The following ASCC3 variants were observed in gnomAD, a reference collection of about 807,000 sequenced individuals.
ASCC3 encodes activating signal cointegrator 1 complex subunit 3.
ASCC3 carries 158 observed loss-of-function variants against 256.3 expected under a neutral mutation model. The observed-to-expected ratio is 0.62, with a 90% CI of 0.54 to 0.70. The LOEUF is 0.70. Ranked by LOEUF, ASCC3 falls within the 30% of genes least tolerant of loss-of-function variation. The pLI is 0.00. For synonymous variants in ASCC3, 948 were observed against 883.4 expected, an observed-to-expected ratio of 1.07 and a Z score of -1.30; for missense variants, 2,259 against 2,626.0, an observed-to-expected ratio of 0.86 and a Z score of 3.05.
intron 13 of ASCC3, among the ~76,000 whole-genome samples, chr6:100,710,247 T>G (rs1482301540): frequency 6.6e-6 from 1 of 152,164 alleles, no homozygotes; most frequent in Non-Finnish European, 1.5e-5. Flanking sequence ...AGCTCATGGA[T>G]GGAAAAATAT....
chr6:100,800,323 A>G lies in ASCC3; in HGVS notation c.1104T>C (p.Asp368=), dbSNP rs754304582. 6.2e-7 allele frequency: 1 copy of G among 1,612,936 alleles called. No individual in the cohort carries two copies. Among genetic ancestry groups the G allele is most frequent in the Non-Finnish European group, 8.5e-7 (1 of 1,179,260 alleles). Residue 368 remains aspartate (D), a synonymous_variant, in exon 6 of 42, where the codon GAT becomes GAC. Coordinates refer to ENST00000369162, the MANE Select transcript of ASCC3 (RefSeq NM_006828.4). The stretch of plus-strand genomic sequence containing the variant: ...ACCTTTGTATCCGCAATTCCTTAGG[A>G]TCAAAGCACATAAGTCCTTCTGAAA... ...LEVSEGLMCF[D]PKELRIQREQ...
intron 34 of ASCC3, among the ~76,000 whole-genome samples, chr6:100,590,264 G>A (rs548130507): frequency 1.3e-5 from 2 of 152,144 alleles, no homozygotes; most frequent in East Asian, 3.9e-4. Flanking sequence ...TTCCCCTAGT[G>A]CTTACAGAAT....
At chr6:100,661,133 A>G (rs1318508470) in intron 16 of ASCC3, among the ~76,000 whole-genome samples, 1 of 151,766 alleles carries the variant, frequency 6.6e-6, no homozygotes, top group African/African-American at 2.4e-5. Context: ...TCAACTTTAA[A>G]GGTATGAAAG....
At chr6:100,869,833 C>G (rs1045152070) in intron 1 of ASCC3, among the ~76,000 whole-genome samples, 5 of 152,098 alleles carry the variant, frequency 3.3e-5, no homozygotes. Flanking sequence ...AACAACCAAA[C>G]GTAGCTGGTG....
chr6:100,554,368 A>G (rs970206071), intron 36 of ASCC3, among the ~76,000 whole-genome samples: 1 of 152,184 alleles, frequency 6.6e-6, no homozygotes. Flanking sequence ...ACCTGGTTGC[A>G]CATAAACATT....
At chr6:100,603,962 A>G (rs950225185) in intron 33 of ASCC3, among the ~76,000 whole-genome samples, 4 of 152,034 alleles carry the variant, frequency 2.6e-5, no homozygotes, top group Non-Finnish European at 5.9e-5. Context: ...GCTGGCAAGT[A>G]TTCTTCCCTT....
chr6:100,703,067 T>C (rs1481303268), intron 13 of ASCC3, among the ~76,000 whole-genome samples: 1 of 151,602 alleles, frequency 6.6e-6, no homozygotes, highest in Non-Finnish European at 1.5e-5. Flanking sequence ...GCCATCTGGA[T>C]TTTTTTTTCT....
chr6:100,540,013 T>G lies in ASCC3; in HGVS notation c.5775+150A>C, dbSNP rs1301397553. The G allele has an allele frequency of 5.3e-6, 4 of 761,216 alleles. No individual in the cohort carries two copies. The Admixed American group carries it at 6.3e-5, about 12-fold the overall frequency. The allele number at this position is 761,216 out of a possible 1,614,324, so 47.2% of individuals were successfully genotyped here. Reference sequence around the variant, plus strand: ...TATTTCATTTATATTTGCTTTTACTTTGGAAATTCTTGATATGATCAACCA... The same window carrying G: ...TATTTCATTTATATTTGCTTTTACTGTGGAAATTCTTGATATGATCAACCA... On this transcript the variant is annotated intron_variant, in intron 37 of 41. Coordinates refer to ENST00000369162, the MANE Select transcript of ASCC3 (RefSeq NM_006828.4).
intron 36 of ASCC3, among the ~76,000 whole-genome samples, chr6:100,542,110 A>G (rs1775491228): frequency 6.6e-6 from 1 of 152,184 alleles, no homozygotes; most frequent in Admixed American, 6.5e-5. Context: ...AAAAAGTTTG[A>G]AGATATAGTC....
chr6:100,588,231 G>A (rs1771807214), intron 36 of ASCC3, among the ~76,000 whole-genome samples: 1 of 152,122 alleles, frequency 6.6e-6, no homozygotes, highest in African/African-American at 2.4e-5. Context: ...AGTTCTTAAT[G>A]TCTAGCTCAA....
At chr6:100,689,672 C>T (rs1363385595) in intron 13 of ASCC3, among the ~76,000 whole-genome samples, 1 of 152,116 alleles carries the variant, frequency 6.6e-6, no homozygotes. Flanking sequence ...ATTATAATAG[C>T]TTGTAGGCTG....
chr6:100,625,164 G>A, intron 30 of ASCC3, 28 bp downstream of exon 30: 7 of 1,610,168 alleles, frequency 4.3e-6, no homozygotes, highest in Non-Finnish European at 5.9e-6. Context: ...AAACGTGTAA[G>A]TAGTAGAAGA....
At chr6:100,721,351 A>G (rs1242680741) in intron 11 of ASCC3, among the ~76,000 whole-genome samples, 1 of 151,802 alleles carries the variant, frequency 6.6e-6, no homozygotes, top group Non-Finnish European at 1.5e-5. Context: ...TTGTAATAGT[A>G]TGGCTCCTTG....
At chr6:100,772,647 A>C (rs560853191) in intron 8 of ASCC3, among the ~76,000 whole-genome samples, 60 of 152,272 alleles carry the variant, frequency 3.9e-4, no homozygotes, top group Non-Finnish European at 5.0e-4. Context: ...TAAACATCTG[A>C]GAGTACCACT....
At chr6:100,626,470 A>G (rs909770501) in intron 29 of ASCC3, among the ~76,000 whole-genome samples, 1 of 152,094 alleles carries the variant, frequency 6.6e-6, no homozygotes, top group Non-Finnish European at 1.5e-5. Flanking sequence ...TACAGGTATA[A>G]TAAATAGTAC....
chr6:100,651,270 A>G (rs939950628), intron 19 of ASCC3, among the ~76,000 whole-genome samples: 1 of 151,882 alleles, frequency 6.6e-6, no homozygotes, highest in Admixed American at 6.6e-5. Flanking sequence ...ATTTTCTTCA[A>G]TGAGCCTTAT....
intron 3 of ASCC3, among the ~76,000 whole-genome samples, chr6:100,853,561 C>T (rs959565293): frequency 5.9e-5 from 9 of 151,938 alleles, no homozygotes; most frequent in African/African-American, 1.9e-4. Context: ...GCCTCCTGGG[C>T]TCAAGTGATT....
At chr6:100,630,780 A>G (rs1346480165) in intron 26 of ASCC3, among the ~76,000 whole-genome samples, 2 of 152,064 alleles carry the variant, frequency 1.3e-5, no homozygotes, top group Non-Finnish European at 2.9e-5. Flanking sequence ...CAGTTTCTGG[A>G]AGCTACTCTG....
At chr6:100,716,023 T>C (rs2115021842) in intron 12 of ASCC3, among the ~76,000 whole-genome samples, 1 of 151,906 alleles carries the variant, frequency 6.6e-6, no homozygotes, top group African/African-American at 2.4e-5. Context: ...CTGTAATGTA[T>C]ATTGAGAGAG....
Sources: allele counts gnomAD v4.1 joint callset (sites outside exome capture counted in the v4.1 genomes callset), GRCh38; gene constraint gnomAD v4.1.1; transcripts MANE v1.5; gene names NCBI Gene and HGNC (gene_info 2026-07-23, HGNC 2026-07-21).